GRIN3A: variants seen among roughly 807,000 people sequenced by gnomAD.
The protein encoded by GRIN3A is glutamate ionotropic receptor NMDA type subunit 3A, also known as glutamate receptor ionotropic, NMDA 3A.
In GRIN3A, 47 loss-of-function variants were observed where a neutral mutation model predicts 92.4. The ratio of observed to expected loss-of-function variants is 0.51; its 90% CI spans 0.40 to 0.65. GRIN3A has a LOEUF of 0.65. Ranked by LOEUF, GRIN3A falls within the 30% of genes least tolerant of loss-of-function variation. GRIN3A has a pLI of 0.00. For synonymous variants in GRIN3A, 527 were observed against 540.6 expected, an observed-to-expected ratio of 0.97 and a Z score of 0.35; for missense variants, 1,324 against 1,393.1, an observed-to-expected ratio of 0.95 and a Z score of 0.79.
chr9:101,589,345 G>C (rs1049763380), intron 6 of GRIN3A, among the ~76,000 whole-genome samples: 3 of 152,100 alleles, frequency 2.0e-5, no homozygotes, highest in Non-Finnish European at 2.9e-5. Flanking sequence ...CTGGTCAAAG[G>C]ATACAACTGT....
chr9:101,610,574 C>CATCTATCTATCT (rs145593614), intron 6 of GRIN3A, among the ~76,000 whole-genome samples: 246 of 139,456 alleles, frequency 1.8e-3, no homozygotes, highest in Middle Eastern at 3.8e-3. Context: ...AGCTTGCATC[C>CATCTATCTATCT]ATCTATCTAT....
chr9:101,642,991 A>G (rs1384961538), intron 3 of GRIN3A, among the ~76,000 whole-genome samples: 1 of 152,140 alleles, frequency 6.6e-6, no homozygotes, highest in East Asian at 1.9e-4. Context: ...ATTTCATTAT[A>G]TATTACAATG....
At chr9:101,591,349 ATAAT>A (rs1828021423) in intron 6 of GRIN3A, among the ~76,000 whole-genome samples, 1 of 152,220 alleles carries the variant, frequency 6.6e-6, no homozygotes, top group African/African-American at 2.4e-5. Context: ...GGTTAAGACT[ATAAT>A]AAATAATTTG....
intron 1 of GRIN3A, among the ~76,000 whole-genome samples, chr9:101,702,443 C>T (rs1564148264): frequency 6.6e-6 from 1 of 152,136 alleles, no homozygotes; most frequent in Non-Finnish European, 1.5e-5. Flanking sequence ...ACATATGACT[C>T]ACCTCTACAT....
chr9:101,613,500 G>A lies in GRIN3A; in HGVS notation c.2642C>T (p.Ser881Phe). The A allele has an allele frequency of 1.9e-6, 3 of 1,614,188 alleles. No homozygotes were observed. Among genetic ancestry groups the A allele is most frequent in the Non-Finnish European group, 2.5e-6 (3 of 1,180,012 alleles). Residue 881 changes from serine to phenylalanine, a missense_variant, in exon 6 of 9, where the codon TCT becomes TTT. Transcript: ENST00000361820. ...EGYGIGLPPN[S>F]PLTANISELI... ...CTCGGATATGTTGGCGGTCAATGGAGAGTTGGGTGGGAGGCCAATGCCGTA... is the reference window on the plus strand; with the variant it reads ...CTCGGATATGTTGGCGGTCAATGGAAAGTTGGGTGGGAGGCCAATGCCGTA...
intron 2 of GRIN3A, among the ~76,000 whole-genome samples, chr9:101,675,061 T>G (rs1402313036): frequency 6.6e-6 from 1 of 151,992 alleles, no homozygotes; most frequent in East Asian, 1.9e-4. Context: ...AAATGGTGAC[T>G]AAGAGACCAC....
chr9:101,729,983 G>T (rs1429567197), intron 1 of GRIN3A, among the ~76,000 whole-genome samples: 1 of 152,114 alleles, frequency 6.6e-6, no homozygotes, highest in African/African-American at 2.4e-5. Context: ...GTTCCTCAGA[G>T]CCTCCTATGA....
At chr9:101,651,890 A>G (rs1588267626) in intron 3 of GRIN3A, among the ~76,000 whole-genome samples, 1 of 151,994 alleles carries the variant, frequency 6.6e-6, no homozygotes, top group East Asian at 1.9e-4. Context: ...GAAGTCAAGG[A>G]TGCATTTAGT....
chr9:101,608,774 A>G (rs2118838638), intron 6 of GRIN3A, among the ~76,000 whole-genome samples: 1 of 152,362 alleles, frequency 6.6e-6, no homozygotes, highest in South Asian at 2.1e-4. Flanking sequence ...CTGGGATTCA[A>G]ATATAGAACT....
intron 3 of GRIN3A, among the ~76,000 whole-genome samples, chr9:101,642,378 C>T (rs1437105081): frequency 6.6e-6 from 1 of 151,974 alleles, no homozygotes; most frequent in Non-Finnish European, 1.5e-5. Flanking sequence ...AAAATCTTAC[C>T]AGAAAACACA....
At chr9:101,596,004 G>A (rs377191914) in intron 6 of GRIN3A, among the ~76,000 whole-genome samples, 6 of 152,202 alleles carry the variant, frequency 3.9e-5, no homozygotes, top group South Asian at 4.1e-4. Flanking sequence ...CTTTCGGAGC[G>A]CATCAATTAC....
chr9:101,603,853 G>GT (rs1228645235), intron 6 of GRIN3A, among the ~76,000 whole-genome samples: 1 of 152,182 alleles, frequency 6.6e-6, no homozygotes, highest in Non-Finnish European at 1.5e-5. Context: ...GTTTTACTCT[G>GT]GTTTTGCCTG....
intron 1 of GRIN3A, among the ~76,000 whole-genome samples, chr9:101,702,619 A>C (rs758919902): frequency 6.6e-6 from 1 of 152,048 alleles, no homozygotes; most frequent in African/African-American, 2.4e-5. Context: ...TCTTATCTGC[A>C]CTCTCACTAA....
At chr9:101,638,765 A>G (rs1168906416) in intron 3 of GRIN3A, among the ~76,000 whole-genome samples, 7 of 152,232 alleles carry the variant, frequency 4.6e-5, no homozygotes, top group Non-Finnish European at 8.8e-5. Flanking sequence ...GTTCTATCGT[A>G]TACGACCTGG....
At chr9:101,692,966 GT>G (rs2118988096) in intron 1 of GRIN3A, among the ~76,000 whole-genome samples, 2 of 152,144 alleles carry the variant, frequency 1.3e-5, no homozygotes, top group South Asian at 4.2e-4. Flanking sequence ...ACCTACTGAT[GT>G]CCCTAGTGCC....
chr9:101,661,208 A>G (rs1829167225), intron 3 of GRIN3A, among the ~76,000 whole-genome samples: 1 of 151,904 alleles, frequency 6.6e-6, no homozygotes, highest in South Asian at 2.1e-4. Flanking sequence ...AAATATTGCT[A>G]TTGTGATATT....
At chr9:101,616,790 T>C (rs1828461033) in intron 5 of GRIN3A, among the ~76,000 whole-genome samples, 1 of 144,488 alleles carries the variant, frequency 6.9e-6, no homozygotes, top group Admixed American at 7.0e-5. Context: ...TACCTAATGC[T>C]AGATGACGAG....
chr9:101,686,189 A>G (rs1192293676), intron 2 of GRIN3A, among the ~76,000 whole-genome samples: 1 of 152,212 alleles, frequency 6.6e-6, no homozygotes, highest in African/African-American at 2.4e-5. Context: ...TTTATTTTGC[A>G]TCTACTATAA....
At chr9:101,623,534 A>G (rs946833752) in intron 4 of GRIN3A, 101 bp from the exon 5 acceptor site, 5 of 805,164 alleles carry the variant, frequency 6.2e-6, no homozygotes, top group East Asian at 2.5e-5. Context: ...GAACCCGAAC[A>G]CTAAGGGCCG....
Sources: gnomAD v4.1 joint callset for allele counts (sites outside exome capture counted in the v4.1 genomes callset) on GRCh38, gnomAD v4.1.1 for gene constraint, MANE v1.5 for transcripts, NCBI Gene and HGNC (gene_info 2026-07-23, HGNC 2026-07-21) for gene names.